The following RGPD4 variants were observed in gnomAD, a reference collection of about 807,000 sequenced individuals.
The protein encoded by RGPD4 is RANBP2 like and GRIP domain containing 4, also known as ranBP2-like and GRIP domain-containing protein 4.
In RGPD4, 84 loss-of-function variants were observed where a neutral mutation model predicts 141.1. The ratio of observed to expected loss-of-function variants is 0.60; its 90% CI spans 0.50 to 0.71. RGPD4 has a LOEUF of 0.71. RGPD4 is among the 30% of genes least tolerant of loss of function. The pLI, the probability that RGPD4 is intolerant of heterozygous loss-of-function variation, is 0.00. For missense variants in RGPD4, 918 were observed against 1,622.4 expected, an observed-to-expected ratio of 0.57 and a Z score of 7.46; for synonymous variants, 298 against 566.8, an observed-to-expected ratio of 0.53 and a Z score of 6.74.
At chr2:107,882,914 TAAAC>T (rs1216668795) in intron 22 of RGPD4, 41 bp downstream of exon 22, 3 of 1,171,978 alleles carry the variant, frequency 2.6e-6, no homozygotes, top group East Asian at 4.7e-5. Context: ...ACTTCTAACT[TAAAC>T]TAAACAGCCT....
chr2:107,859,663 A>G lies in RGPD4; in HGVS notation c.1635-59A>G, dbSNP rs571448999. On this transcript the variant is annotated intron_variant, in intron 11 of 22. Transcript: ENST00000408999. Reference sequence around the variant, plus strand: ...TCATGTGACCCATTAACATATATGTATGTAAGCGCTGAACTGTGTATTTAG... The same window carrying G: ...TCATGTGACCCATTAACATATATGTGTGTAAGCGCTGAACTGTGTATTTAG... 18 of 1,611,198 alleles carry G rather than the reference A, an allele frequency of 1.1e-5. No individual in the cohort carries two copies. The African/African-American group carries it at 1.3e-4, about 12-fold the overall frequency.
intron 1 of RGPD4, among the ~76,000 whole-genome samples, chr2:107,834,236 TC>T (rs1325059255): frequency 6.6e-6 from 1 of 150,886 alleles, no homozygotes; most frequent in East Asian, 2.0e-4. Flanking sequence ...GGCATTTTTT[TC>T]ATTTAGATGC....
chr2:107,849,057 A>AT (rs1262896148), intron 7 of RGPD4, among the ~76,000 whole-genome samples: 6 of 122,370 alleles, frequency 4.9e-5, no homozygotes, highest in Non-Finnish European at 8.5e-5. Context: ...CTTATTTTTT[A>AT]TTTTTTTATT....
At chr2:107,875,571 A>G (rs1484229683) in intron 20 of RGPD4, among the ~76,000 whole-genome samples, 2 of 145,618 alleles carry the variant, frequency 1.4e-5, no homozygotes, top group African/African-American at 5.3e-5. Flanking sequence ...TCTTTACATT[A>G]GTAGATCAGA....
chr2:107,859,968 T>G, intron 12 of RGPD4, 123 bp downstream of exon 12: 1 of 1,161,088 alleles, frequency 8.6e-7, no homozygotes, highest in East Asian at 2.6e-5. Context: ...ACAGATGTGT[T>G]TTTTATTGCT....
At chr2:107,881,890 A>G (rs1485583173) in intron 21 of RGPD4, among the ~76,000 whole-genome samples, 1 of 151,592 alleles carries the variant, frequency 6.6e-6, no homozygotes, top group Non-Finnish European at 1.5e-5. Flanking sequence ...CTGTGTCTGA[A>G]CTTTTGATTA....
At chr2:107,861,976 A>C (rs1165125382) in intron 15 of RGPD4, among the ~76,000 whole-genome samples, 1 of 101,110 alleles carries the variant, frequency 9.9e-6, no homozygotes, top group Non-Finnish European at 1.9e-5. Context: ...TTGGGGAATT[A>C]GAAAAGATTT....
At chr2:107,844,823 C>CTTTTTTTTTTTTTTTT (rs1681859511) in intron 6 of RGPD4, among the ~76,000 whole-genome samples, 3 of 53,852 alleles carry the variant, frequency 5.6e-5, no homozygotes, top group Non-Finnish European at 1.2e-4. Flanking sequence ...TTCTTTCTTT[C>CTTTTTTTTTTTTTTTT]TTTTTTGTTT....
chr2:107,886,639 A>G (rs919437234), intron 22 of RGPD4, among the ~76,000 whole-genome samples: 2 of 152,016 alleles, frequency 1.3e-5, no homozygotes, highest in Admixed American at 1.3e-4. Context: ...TATTACAGAT[A>G]TGGACTGTCA....
rs1682984003 is a variant in RGPD4, at chr2:107,872,898, A to T, written c.4894A>T (p.Ile1632Phe). ...SASFPMEESS[I>F]NYTFKTPEKE... ...TTCCTTTCCAATGGAAGAATCTTCAATCAACTACACATTTAAAACACCAGA... is the reference window on the plus strand; with the variant it reads ...TTCCTTTCCAATGGAAGAATCTTCATTCAACTACACATTTAAAACACCAGA... Residue 1632 changes from isoleucine to phenylalanine, a missense_variant, in exon 20 of 23, where the codon ATC becomes TTC. Coordinates refer to ENST00000408999, the MANE Select transcript of RGPD4 (RefSeq NM_182588.3). 1 of 1,580,006 alleles carries T rather than the reference A, an allele frequency of 6.3e-7. No individual in the cohort carries two copies. Among genetic ancestry groups the T allele is most frequent in the Admixed American group, 1.8e-5 (1 of 56,222 alleles).
Position 107,872,887 on chromosome 2 carries a change from A to G in RGPD4, c.4883A>G (p.Glu1628Gly). ...AATCTCTCTGCTTCCTTTCCAATGG[A>G]AGAATCTTCAATCAACTACACATTT... is the stretch of plus-strand genomic sequence containing the variant. ...VKNLSASFPM[E>G]ESSINYTFKT... Residue 1628 changes from glutamate (E) to glycine (G), a missense_variant, in exon 20 of 23, where the codon GAA (glutamate) becomes GGA (glycine). Coordinates refer to ENST00000408999, the MANE Select transcript of RGPD4 (RefSeq NM_182588.3). 1 of 1,584,594 alleles carries G rather than the reference A, an allele frequency of 6.3e-7. No individual in the cohort carries two copies. The highest frequency in any genetic ancestry group is 8.5e-7 in the Non-Finnish European group (1 of 1,171,342).
Position 107,871,842 on chromosome 2 carries a change from A to T in RGPD4, c.3838A>T (p.Lys1280Ter). The change falls in exon 20 of 23, where the codon AAA becomes TAA. Residue 1280 changes from lysine to a stop codon, truncating the protein, a stop_gained. Coordinates refer to ENST00000408999, the MANE Select transcript of RGPD4 (RefSeq NM_182588.3). LOFTEE classifies it high-confidence loss of function. ...ASPLASSPVR[K>*]NLFHFGESTT... ...TCCATTGGCAAGTAGCCCTGTGAGA[A>T]AAAATCTTTTCCATTTTGGTGAGTC... The T allele has an allele frequency of 6.2e-7, 1 of 1,611,648 alleles. No individual in the cohort carries two copies. Among genetic ancestry groups the T allele is most frequent in the South Asian group, 1.1e-5 (1 of 90,992 alleles).
At chr2:107,881,552 G>C (rs1478250392) in intron 21 of RGPD4, among the ~76,000 whole-genome samples, 1 of 151,350 alleles carries the variant, frequency 6.6e-6, no homozygotes, top group South Asian at 2.1e-4. Flanking sequence ...TCCTGACCTC[G>C]TGATCTGCCT....
At chr2:107,846,062 G>A (rs1573478844) in intron 6 of RGPD4, among the ~76,000 whole-genome samples, 1 of 110,516 alleles carries the variant, frequency 9.0e-6, no homozygotes, top group East Asian at 2.1e-4. Flanking sequence ...GAGTAGCTGG[G>A]CCTACAGGTT....
At chr2:107,846,229 C>T (rs984492457) in intron 6 of RGPD4, among the ~76,000 whole-genome samples, 1 of 149,164 alleles carries the variant, frequency 6.7e-6, no homozygotes, top group Admixed American at 6.7e-5. Flanking sequence ...CCCGGCTGGT[C>T]TCGATCTCTT....
At chr2:107,837,188 CTTTTT>C (rs71225100) in intron 2 of RGPD4, among the ~76,000 whole-genome samples, 1 of 41,892 alleles carries the variant, frequency 2.4e-5, no homozygotes, top group African/African-American at 1.6e-4. Context: ...GGGAGGCAGG[CTTTTT>C]TTTTTTTTTT....
intron 22 of RGPD4, among the ~76,000 whole-genome samples, chr2:107,883,885 T>TGTCAC: frequency 1.3e-5 from 2 of 152,318 alleles, no homozygotes; most frequent in Middle Eastern, 3.4e-3. Flanking sequence ...CTAACAGTTT[T>TGTCAC]CAACTCATGG....
In RGPD4 at chr2:107,871,378, G is replaced by C; in HGVS notation, c.3374G>C (p.Gly1125Ala). The C allele has an allele frequency of 9.5e-7, 1 of 1,051,400 alleles. No homozygotes were observed. Among genetic ancestry groups the C allele is most frequent in the Non-Finnish European group, 1.4e-6 (1 of 729,342 alleles). The allele number at this position is 1,051,400 out of a possible 1,614,324, so 65.1% of individuals were successfully genotyped here. ...TTTMNLKPLS[G>A]SDRAWMWSAS... ...ACAATGAACCTGAAGCCCCTGTCTG[G>C]ATCAGATAGAGCATGGATGTGGTCA... The change falls in exon 20 of 23, where the codon GGA (glycine) becomes GCA (alanine). Residue 1125 changes from glycine (G) to alanine (A), a missense_variant. By Grantham distance (60) the Gly-to-Ala change is moderately conservative. Coordinates refer to ENST00000408999, the MANE Select transcript of RGPD4 (RefSeq NM_182588.3).
At chr2:107,890,422 C>A (rs934761262) in intron 22 of RGPD4, among the ~76,000 whole-genome samples, 2 of 140,762 alleles carry the variant, frequency 1.4e-5, no homozygotes, top group African/African-American at 5.4e-5. Flanking sequence ...GTGGCACACA[C>A]CTTGTGGTCC....
Sources: allele counts gnomAD v4.1 joint callset (sites outside exome capture counted in the v4.1 genomes callset), GRCh38; gene constraint gnomAD v4.1.1; transcripts MANE v1.5; gene names NCBI Gene and HGNC (gene_info 2026-07-23, HGNC 2026-07-21).